The following NBAS variants were observed in gnomAD, a reference collection of about 807,000 sequenced individuals.
NBAS encodes NAG/BC035112 fusion.
A neutral mutation model predicts 302.5 loss-of-function variants in NBAS; 219 were observed. The observed-to-expected ratio is 0.72, with a 90% confidence interval of 0.65 to 0.81. The LOEUF (loss-of-function observed/expected upper bound fraction) is 0.81, where lower values mean the gene tolerates loss of function less well. NBAS is among the 30% of genes least tolerant of loss of function. The pLI, the probability that NBAS is intolerant of heterozygous loss-of-function variation, is 0.00. For synonymous variants in NBAS, 1,118 were observed against 1,021.6 expected (o/e 1.09, Z -1.80); for missense variants, 2,932 against 2,841.6 (o/e 1.03, Z -0.72).
At chr2:15,305,003 T>C (rs570788528) in intron 40 of NBAS, among the ~76,000 whole-genome samples, 2 of 152,290 alleles carry the variant, frequency 1.3e-5, no homozygotes, top group East Asian at 1.9e-4. Flanking sequence ...GCCTTTGGAC[T>C]TGGACTTTTG....
At chr2:14,976,990 C>T in the NBAS span, among the ~76,000 whole-genome samples, 1 of 152,120 alleles carries the variant, frequency 6.6e-6, no homozygotes, top group African/African-American at 2.4e-5. Flanking sequence ...TTTATTAAGA[C>T]AGTCCTAGGA....
At chr2:15,062,128 G>T in the NBAS span, among the ~76,000 whole-genome samples, 22 of 152,148 alleles carry the variant, frequency 1.4e-4, no homozygotes, top group Non-Finnish European at 2.8e-4. Flanking sequence ...AATAAGATAG[G>T]TCCTTCCGGG....
the NBAS span, among the ~76,000 whole-genome samples, chr2:14,787,755 T>C: frequency 6.6e-6 from 1 of 152,220 alleles, no homozygotes; most frequent in Non-Finnish European, 1.5e-5. Context: ...GCCCTTAATA[T>C]TTTTTCCTTC....
intron 48 of NBAS, among the ~76,000 whole-genome samples, chr2:15,191,612 T>C (rs1195234204): frequency 6.6e-6 from 1 of 152,160 alleles, no homozygotes; most frequent in Admixed American, 6.6e-5. Flanking sequence ...AATCTCACTT[T>C]ACAGATGAGG....
At chr2:15,107,678 C>A in the NBAS span, among the ~76,000 whole-genome samples, 1 of 152,228 alleles carries the variant, frequency 6.6e-6, no homozygotes, top group African/African-American at 2.4e-5. Context: ...TAAAAATTAA[C>A]TTTATTAAGC....
the NBAS span, among the ~76,000 whole-genome samples, chr2:14,786,895 T>G: frequency 1.3e-5 from 2 of 152,146 alleles, no homozygotes; most frequent in Non-Finnish European, 2.9e-5. Flanking sequence ...TTCTGTCTCA[T>G]TGATCTGTCT....
chr2:15,393,621 G>C, intron 28 of NBAS: 1 of 468,052 alleles, frequency 2.1e-6, no homozygotes, highest in Non-Finnish European at 4.4e-6. Context: ...AAATGAAAGC[G>C]TATGTCTACA....
At chr2:15,103,064 G>T in the NBAS span, among the ~76,000 whole-genome samples, 1 of 151,034 alleles carries the variant, frequency 6.6e-6, no homozygotes, top group Middle Eastern at 3.2e-3. Flanking sequence ...GGGAAGGAAG[G>T]GAGGGAGGGA....
At chr2:15,308,480 A>C (rs568927768) in intron 39 of NBAS, 127 bp from the exon 40 acceptor site, 156 of 1,158,160 alleles carry the variant, frequency 1.3e-4, no homozygotes, top group Non-Finnish European at 1.7e-4. Context: ...ACTCAAGCTC[A>C]AGATCAACTT....
intron 40 of NBAS, among the ~76,000 whole-genome samples, chr2:15,304,863 A>G (rs1670959626): frequency 6.6e-6 from 1 of 152,216 alleles, no homozygotes; most frequent in Admixed American, 6.5e-5. Flanking sequence ...TGCATTCACA[A>G]AAAGAGATGG....
At chr2:15,352,299 A>C (rs1298137385) in intron 34 of NBAS, among the ~76,000 whole-genome samples, 1 of 152,208 alleles carries the variant, frequency 6.6e-6, no homozygotes, top group Non-Finnish European at 1.5e-5. Context: ...AATGATATAC[A>C]ATGTAATGAA....
At chr2:14,853,495 A>C in the NBAS span, among the ~76,000 whole-genome samples, 2 of 96,316 alleles carry the variant, frequency 2.1e-5, no homozygotes, top group Non-Finnish European at 4.0e-5. Context: ...TAGTTCAACC[A>C]TTGTGGAAGT....
At chr2:14,938,125 CA>C in the NBAS span, among the ~76,000 whole-genome samples, 1 of 150,732 alleles carries the variant, frequency 6.6e-6, no homozygotes, top group African/African-American at 2.4e-5. Flanking sequence ...GACTCCATCT[CA>C]AAAAATAAAA....
At chr2:15,136,927 T>C in the NBAS span, among the ~76,000 whole-genome samples, 26 of 152,316 alleles carry the variant, frequency 1.7e-4, no homozygotes, top group East Asian at 4.8e-3. Context: ...ATTGTAAGTT[T>C]CCTGACTCCT....
chr2:15,260,638 T>C (rs1668806806), intron 44 of NBAS, among the ~76,000 whole-genome samples: 1 of 152,056 alleles, frequency 6.6e-6, no homozygotes, highest in African/African-American at 2.4e-5. Context: ...CGGTTGTAAA[T>C]GACATTATGT....
At chr2:15,128,581 G>T in the NBAS span, among the ~76,000 whole-genome samples, 1 of 152,230 alleles carries the variant, frequency 6.6e-6, no homozygotes, top group African/African-American at 2.4e-5. Context: ...CTAGTTAGGG[G>T]AGATCAGGGT....
the NBAS span, among the ~76,000 whole-genome samples, chr2:14,987,225 A>C: frequency 6.6e-6 from 1 of 152,110 alleles, no homozygotes; most frequent in Non-Finnish European, 1.5e-5. Flanking sequence ...AATGTACTTG[A>C]CAAACATCAG....
the NBAS span, chr2:14,890,872 C>A: frequency 6.4e-6 from 1 of 156,868 alleles, no homozygotes; most frequent in Non-Finnish European, 1.4e-5. Context: ...AACATGTTCT[C>A]TTAGAATAGC....
At chr2:15,221,807 G>A (rs1289573438) in intron 47 of NBAS, among the ~76,000 whole-genome samples, 2 of 152,234 alleles carry the variant, frequency 1.3e-5, no homozygotes, top group Non-Finnish European at 2.9e-5. Context: ...TGGTAAATTA[G>A]AGGAGAGAGG....
Sources: gnomAD v4.1 joint callset for allele counts (sites outside exome capture counted in the v4.1 genomes callset) on GRCh38, gnomAD v4.1.1 for gene constraint, MANE v1.5 for transcripts, NCBI Gene and HGNC (gene_info 2026-07-23, HGNC 2026-07-21) for gene names.